CSMD1: variants seen among roughly 807,000 people sequenced by gnomAD.
The protein encoded by CSMD1 is CUB and sushi domain-containing protein 1.
CSMD1 carries 213 observed loss-of-function variants against 417.5 expected under a neutral mutation model. That is an observed-to-expected ratio of 0.51 (90% confidence interval 0.46 to 0.57). The LOEUF (loss-of-function observed/expected upper bound fraction) is 0.57, where lower values mean the gene tolerates loss of function less well. Among genes scored for constraint, CSMD1 ranks in the 20% least tolerant of loss-of-function variants. CSMD1 has a pLI of 0.00. For synonymous variants in CSMD1, 2,862 were observed against 1,736.8 expected, an observed-to-expected ratio of 1.65 and a Z score of -16.11; for missense variants, 6,923 against 4,529.7, an observed-to-expected ratio of 1.53 and a Z score of -15.17.
intron 3 of CSMD1, among the ~76,000 whole-genome samples, chr8:4,067,082 G>C (rs1236316356): frequency 6.6e-6 from 1 of 152,244 alleles, no homozygotes; most frequent in African/African-American, 2.4e-5. Flanking sequence ...TTCAGACACA[G>C]AGAAGGGTAC....
intron 3 of CSMD1, among the ~76,000 whole-genome samples, chr8:4,405,160 T>C (rs1428069468): frequency 6.6e-6 from 1 of 152,232 alleles, no homozygotes; most frequent in East Asian, 1.9e-4. Context: ...TCTTACTTCC[T>C]GGAATCCACC....
intron 26 of CSMD1, among the ~76,000 whole-genome samples, chr8:3,245,101 C>G (rs1799791688): frequency 6.6e-6 from 1 of 152,318 alleles, no homozygotes; most frequent in East Asian, 1.9e-4. Flanking sequence ...TAAAGCAGAT[C>G]ATGAATTTCG....
intron 12 of CSMD1, among the ~76,000 whole-genome samples, chr8:3,429,196 T>C (rs1244108741): frequency 1.3e-5 from 2 of 151,844 alleles, no homozygotes; most frequent in African/African-American, 4.8e-5. Flanking sequence ...TCAATGTTTT[T>C]ACCGTAAAGA....
At chr8:3,068,101 C>T (rs113815793) in intron 49 of CSMD1, among the ~76,000 whole-genome samples, 8,962 of 152,084 alleles carry the variant, frequency 0.059, 264 homozygotes, top group Middle Eastern at 0.078. Flanking sequence ...GTCACTAATG[C>T]CTCAATTATT....
At chr8:4,004,887 G>T (rs1440004749) in intron 4 of CSMD1, among the ~76,000 whole-genome samples, 1 of 152,070 alleles carries the variant, frequency 6.6e-6, no homozygotes, top group Non-Finnish European at 1.5e-5. Context: ...TGGGACTACA[G>T]GCGCCCGCCA....
chr8:4,884,003 C>G (rs1304168025), intron 1 of CSMD1, among the ~76,000 whole-genome samples: 1 of 151,978 alleles, frequency 6.6e-6, no homozygotes, highest in Non-Finnish European at 1.5e-5. Context: ...TTGCTATTGT[C>G]TGTATTTTTG....
intron 16 of CSMD1, among the ~76,000 whole-genome samples, chr8:3,398,391 GATT>G (rs1186581864): frequency 2.6e-5 from 4 of 151,970 alleles, no homozygotes; most frequent in African/African-American, 9.7e-5. Flanking sequence ...TGCTATTGGG[GATT>G]ATTATTATTT....
At chr8:4,299,584 T>C (rs538142383) in intron 3 of CSMD1, among the ~76,000 whole-genome samples, 2 of 152,292 alleles carry the variant, frequency 1.3e-5, no homozygotes, top group Non-Finnish European at 2.9e-5. Context: ...CATTCAGAAA[T>C]ATGCCCCATA....
chr8:3,041,878 A>G (rs189370228), intron 50 of CSMD1, among the ~76,000 whole-genome samples: 73 of 152,330 alleles, frequency 4.8e-4, no homozygotes, highest in Non-Finnish European at 1.2e-4. Flanking sequence ...GCAGTACAGT[A>G]CAATCACGCA....
At chr8:4,109,710 T>C (rs1033032229) in intron 3 of CSMD1, among the ~76,000 whole-genome samples, 5 of 152,194 alleles carry the variant, frequency 3.3e-5, no homozygotes, top group African/African-American at 1.2e-4. Context: ...TATGATGCTA[T>C]GAAAAATCTT....
rs1796352813 is a variant in CSMD1, at chr8:3,733,187, AC to A, written c.931+20742del. Among the ~76,000 whole-genome samples the A allele has an allele frequency of 2.0e-5, 3 of 147,818 alleles. 1 individual carries two copies. Among genetic ancestry groups the A allele is most frequent in the South Asian group, 4.2e-4 (2 of 4,754 alleles). On this transcript the variant is annotated intron_variant, in intron 6 of 69. Transcript: ENST00000635120. Reference sequence around the variant, plus strand: ...CATAAATACACACACACACACACACACACACACACACACACACACTCTCTCT... The same window carrying A: ...CATAAATACACACACACACACACACAACACACACACACACACACTCTCTCT...
intron 25 of CSMD1, among the ~76,000 whole-genome samples, chr8:3,292,038 G>A (rs1467446182): frequency 5.3e-5 from 8 of 151,760 alleles, no homozygotes; most frequent in Non-Finnish European, 1.2e-4. Flanking sequence ...CTTTGTTCTC[G>A]TTGGTTTCAA....
chr8:3,411,644 T>C (rs1812706197), intron 12 of CSMD1, among the ~76,000 whole-genome samples: 1 of 144,972 alleles, frequency 6.9e-6, no homozygotes. Context: ...TATCGTTCAG[T>C]AGTAGTCCAT....
At chr8:3,518,146 AAG>A (rs201121508) in intron 10 of CSMD1, among the ~76,000 whole-genome samples, 3 of 148,604 alleles carry the variant, frequency 2.0e-5, no homozygotes, top group Admixed American at 6.9e-5. Context: ...CTAGAAAAAA[AAG>A]AATGGAAATA....
At chr8:3,137,870 T>G (rs1176128107) in intron 41 of CSMD1, among the ~76,000 whole-genome samples, 1 of 152,170 alleles carries the variant, frequency 6.6e-6, no homozygotes, top group Non-Finnish European at 1.5e-5. Flanking sequence ...TACAATAAAT[T>G]CCTGATTTTA....
intron 12 of CSMD1, among the ~76,000 whole-genome samples, chr8:3,423,518 T>C (rs1813627236): frequency 6.6e-6 from 1 of 152,212 alleles, no homozygotes; most frequent in Admixed American, 6.5e-5. Flanking sequence ...TTATGAACTT[T>C]TTGTTGCTCA....
intron 1 of CSMD1, among the ~76,000 whole-genome samples, chr8:4,905,177 GA>G (rs966714988): frequency 4.6e-5 from 7 of 150,716 alleles, no homozygotes; most frequent in South Asian, 4.2e-4. Flanking sequence ...ACACATCTCT[GA>G]AAAAAAAAGT....
chr8:4,978,741 C>T (rs1272350284), intron 1 of CSMD1, among the ~76,000 whole-genome samples: 1 of 152,090 alleles, frequency 6.6e-6, no homozygotes, highest in African/African-American at 2.4e-5. Context: ...AGTTCGAGAC[C>T]AGCCTGGCCA....
intron 65 of CSMD1, among the ~76,000 whole-genome samples, chr8:2,952,935 A>G (rs1283031695): frequency 6.6e-6 from 1 of 152,218 alleles, no homozygotes; most frequent in Non-Finnish European, 1.5e-5. Flanking sequence ...AGTACAATGC[A>G]GCAGCCACAT....
Sources: allele counts gnomAD v4.1 joint callset (sites outside exome capture counted in the v4.1 genomes callset), GRCh38; gene constraint gnomAD v4.1.1; transcripts MANE v1.5; gene names NCBI Gene and HGNC (gene_info 2026-07-23, HGNC 2026-07-21).